Variants in ZSCAN23 observed in about 807,000 individuals in gnomAD.
ZSCAN23 encodes the protein zinc finger and SCAN domain-containing protein 23.
ZSCAN23 carries 19 observed loss-of-function variants against 19.3 expected under a neutral mutation model. That is an observed-to-expected ratio of 0.99 (90% CI 0.69 to 1.45). The LOEUF (loss-of-function observed/expected upper bound fraction) is 1.45, where lower values mean the gene tolerates loss of function less well. Among genes scored for constraint, ZSCAN23 ranks in the 40% most tolerant of loss-of-function variants. The pLI is 0.00. For missense variants in ZSCAN23, 372 were observed against 462.5 expected (o/e 0.80, Z 1.79); for synonymous variants, 140 against 166.2 (o/e 0.84, Z 1.21).
In ZSCAN23 at chr6:28,443,442, C is replaced by G. The variant is rs73740621; in HGVS notation, c.-121G>C. 1 of 152,250 alleles carries G rather than the reference C, an allele frequency of 6.6e-6. No individual in the cohort carries two copies. Among genetic ancestry groups the G allele is most frequent in the Non-Finnish European group, 1.5e-5 (1 of 68,056 alleles). 9.4% of individuals were successfully genotyped at this position (152,250 alleles called of 1,614,324 possible). A position where few individuals can be genotyped will look rare whatever the true frequency, so the allele number is the denominator to read the frequency against. On this transcript the variant is annotated 5_prime_UTR_variant, in exon 1 of 4. Transcript: ENST00000289788. ...AGATGCCACCTAGCGCAGATCACAT[C>G]TGCTCTGAATCCTTGACAACCGCAG...
chr6:28,434,594 G>A lies in ZSCAN23; in HGVS notation c.1041C>T (p.Val347=). Residue 347 remains valine (V), a synonymous_variant, in exon 4 of 4, where the codon GTC becomes GTT. Coordinates refer to ENST00000289788, the MANE Select transcript of ZSCAN23 (RefSeq NM_001012455.2). ...TGTGAATTCTCTGATGCTTAATGAGGACTGAACGTCGACTAAAACTCTTAT... is the reference window on the plus strand; with the variant it reads ...TGTGAATTCTCTGATGCTTAATGAGAACTGAACGTCGACTAAAACTCTTAT... ...QCNKSFSRRS[V]LIKHQRIHTG... 5.1e-6 allele frequency: 8 copies of A among 1,555,398 alleles called. No individual in the cohort carries two copies. The highest frequency in any genetic ancestry group is 7.0e-6 in the Non-Finnish European group (8 of 1,149,168).
At chr6:28,427,660 C>T (rs35560946), downstream of ZSCAN23, among the ~76,000 whole-genome samples, 52,447 of 152,078 alleles carry the variant, frequency 0.34, 9,599 homozygotes, top group African/African-American at 0.47. Flanking sequence ...TTATTGTACA[C>T]GTGGTCTGCT....
the ZSCAN23 span, among the ~76,000 whole-genome samples, chr6:28,424,666 C>T: frequency 1.3e-5 from 2 of 152,224 alleles, no homozygotes; most frequent in Admixed American, 6.5e-5. Flanking sequence ...ACTTTCTTTA[C>T]TCATCCATAA....
At chr6:28,422,707 T>TA in the ZSCAN23 span, among the ~76,000 whole-genome samples, 6,910 of 136,410 alleles carry the variant, frequency 0.051, 153 homozygotes, top group Middle Eastern at 0.072. The surrounding 1 kb of genome is among the most constrained non-coding windows in gnomAD (Gnocchi z 4.0). Context: ...GCAGGATTTT[T>TA]TAAAAAAAAC....
intron 1 of ZSCAN23, among the ~76,000 whole-genome samples, chr6:28,442,809 A>G (rs997144861): frequency 6.6e-6 from 1 of 152,208 alleles, no homozygotes; most frequent in Non-Finnish European, 1.5e-5. Flanking sequence ...GTTAATTTTA[A>G]AAAGGGGCGG....
the ZSCAN23 span, among the ~76,000 whole-genome samples, chr6:28,424,657 C>G: frequency 6.6e-6 from 1 of 152,216 alleles, no homozygotes; most frequent in Non-Finnish European, 1.5e-5. Context: ...TAAGAAACCA[C>G]TTTCTTTACT....
chr6:28,425,264 G>A, the ZSCAN23 span, among the ~76,000 whole-genome samples: 10 of 152,144 alleles, frequency 6.6e-5, no homozygotes, highest in South Asian at 2.1e-4. Context: ...ATGTGCTATC[G>A]TCCAGGCTTT....
Position 28,434,710 on chromosome 6 carries a change from C to T in ZSCAN23, c.925G>A (p.Val309Ile). The T allele has an allele frequency of 6.3e-7, 1 of 1,593,876 alleles. No individual in the cohort carries two copies. Among genetic ancestry groups the T allele is most frequent in the Non-Finnish European group, 8.5e-7 (1 of 1,169,952 alleles). Residue 309 changes from valine (V) to isoleucine (I), a missense_variant, in exon 4 of 4, where the codon GTT becomes ATT. By Grantham distance (29) the Val-to-Ile change is conservative. Coordinates refer to ENST00000289788, the MANE Select transcript of ZSCAN23 (RefSeq NM_001012455.2). ...HTGEKRYQCS[V>I]CGKAFSQNAG... is the part of the protein sequence containing the mutation. Reference sequence around the variant, plus strand: ...TTCTGGCTGAAGGCTTTGCCACAAACACTGCACTGGTAGCGCTTCTCCCCA... The same window carrying T: ...TTCTGGCTGAAGGCTTTGCCACAAATACTGCACTGGTAGCGCTTCTCCCCA...
At chr6:28,422,271 G>A in the ZSCAN23 span, among the ~76,000 whole-genome samples, 6 of 151,844 alleles carry the variant, frequency 4.0e-5, no homozygotes, top group Admixed American at 3.9e-4. The surrounding 1 kb of genome is among the most constrained non-coding windows in gnomAD (Gnocchi z 4.0). Flanking sequence ...GCTTTTAGTT[G>A]GTAGTATTTA....
At chr6:28,422,963 G>C in the ZSCAN23 span, among the ~76,000 whole-genome samples, 1 of 152,206 alleles carries the variant, frequency 6.6e-6, no homozygotes, top group Non-Finnish European at 1.5e-5. The surrounding 1 kb of genome is among the most constrained non-coding windows in gnomAD (Gnocchi z 4.0). Flanking sequence ...GAGCTGAGTT[G>C]ACCCTTTACT....
chr6:28,439,053 G>A (rs1450722624), intron 1 of ZSCAN23, among the ~76,000 whole-genome samples: 1 of 151,896 alleles, frequency 6.6e-6, no homozygotes, highest in Non-Finnish European at 1.5e-5. Context: ...AATGTACAGA[G>A]GATTTTTTTC....
At chr6:28,436,874 A>C (rs1465016773) in intron 1 of ZSCAN23, among the ~76,000 whole-genome samples, 4 of 152,156 alleles carry the variant, frequency 2.6e-5, no homozygotes, top group Non-Finnish European at 2.9e-5. Context: ...ATCTAGGTTT[A>C]AAGTGTGTAA....
At chr6:28,440,687 C>T (rs1216628701) in intron 1 of ZSCAN23, among the ~76,000 whole-genome samples, 1 of 152,142 alleles carries the variant, frequency 6.6e-6, no homozygotes, top group Admixed American at 6.5e-5. Flanking sequence ...GGTTTCAAGT[C>T]AAAGTTTTTC....
At position 28,434,743 on chromosome 6, in the gene ZSCAN23, G is replaced by A; in HGVS notation, c.892C>T (p.Leu298Phe). Residue 298 changes from leucine to phenylalanine, a missense_variant, in exon 4 of 4, where the codon CTC (leucine) becomes TTC (phenylalanine). By Grantham distance (22) the Leu-to-Phe change is conservative. Transcript: ENST00000289788. ...QRSGLFQHQR[L>F]HTGEKRYQCS... ...TGGTAGCGCTTCTCCCCAGTGTGGA[G>A]TCTCTGGTGCTGGAATAGGCCTGAC... is the stretch of plus-strand genomic sequence containing the variant. 1 of 1,602,694 alleles carries A rather than the reference G, an allele frequency of 6.2e-7. No homozygotes were observed. The highest frequency in any genetic ancestry group is 8.5e-7 in the Non-Finnish European group (1 of 1,174,406).
chr6:28,435,745 CAGA>C, intron 2 of ZSCAN23, 111 bp downstream of exon 2: 1 of 1,424,000 alleles, frequency 7.0e-7, no homozygotes, highest in Non-Finnish European at 9.3e-7. Context: ...TAAAAGCCTA[CAGA>C]AGATCAAGTC....
intron 1 of ZSCAN23, among the ~76,000 whole-genome samples, chr6:28,438,344 G>A (rs1414750620): frequency 3.9e-5 from 6 of 152,036 alleles, no homozygotes; most frequent in Middle Eastern, 3.2e-3. Context: ...TGATCCACCC[G>A]CCTTGGCCTC....
At position 28,436,190 on chromosome 6, in the gene ZSCAN23, T is replaced by C. The variant is rs774633560; in HGVS notation, c.77A>G (p.Glu26Gly). The C allele has an allele frequency of 1.3e-6, 2 of 1,555,138 alleles. No homozygotes were observed. Residue 26 changes from glutamate (E) to glycine (G), a missense_variant, in exon 2 of 4, where the codon GAG (glutamate) becomes GGG (glycine). Transcript: ENST00000289788. ...TGATTCTGGCCCACAGGAATGTTCCTCCTCTTCCTCCTTTACCTTCACTGC... is the reference window on the plus strand; with the variant it reads ...TGATTCTGGCCCACAGGAATGTTCCCCCTCTTCCTCCTTTACCTTCACTGC... ...LLAVKVKEEE[E>G]EHSCGPESGL...
chr6:28,436,492 T>C, intron 1 of ZSCAN23, 149 bp from the exon 2 acceptor site: 1 of 439,454 alleles, frequency 2.3e-6, no homozygotes, highest in East Asian at 3.4e-5. Context: ...GAAATACAAA[T>C]CCAGATAATA....
intron 3 of ZSCAN23, 94 bp from the exon 4 acceptor site, chr6:28,435,172 G>T: frequency 7.3e-7 from 1 of 1,371,754 alleles, no homozygotes. Context: ...CAGGAGAATG[G>T]GTGGAAGGGG....
Sources: gnomAD v4.1 joint callset for allele counts (sites outside exome capture counted in the v4.1 genomes callset) on GRCh38, gnomAD v4.1.1 for gene constraint, Gnocchi (gnomAD v3.1) non-coding constraint, MANE v1.5 for transcripts, NCBI Gene and HGNC (gene_info 2026-07-23, HGNC 2026-07-21) for gene names.